ZNRF3: variants seen among roughly 807,000 people sequenced by gnomAD.
The protein encoded by ZNRF3 is E3 ubiquitin-protein ligase ZNRF3.
A neutral mutation model predicts 72.5 loss-of-function variants in ZNRF3; 23 were observed. That is an observed-to-expected ratio of 0.32 (90% CI 0.23 to 0.45). The LOEUF is 0.45. ZNRF3 is among the 20% of genes least tolerant of loss of function. ZNRF3 has a pLI of 1.00. For synonymous variants in ZNRF3, 610 were observed against 545.3 expected (o/e 1.12, Z -1.65); for missense variants, 1,169 against 1,272.1 (o/e 0.92, Z 1.23).
Position 29,050,162 on chromosome 22 carries a change from T to A in ZNRF3, c.1981T>A (p.Cys661Ser), listed in dbSNP as rs1218816677. 1 of 1,603,682 alleles carries A rather than the reference T, an allele frequency of 6.2e-7. No individual in the cohort carries two copies. The highest frequency in any genetic ancestry group is 1.1e-5 in the South Asian group (1 of 91,086). Residue 661 changes from cysteine to serine, a missense_variant, in exon 8 of 9, where the codon TGC (cysteine) becomes AGC (serine). This residue lies in a region of ZNRF3 where 783 missense variants were observed against 731.4 expected (regional missense o/e 1.07). Transcript: ENST00000544604. The part of the protein sequence containing the change: ...ASPSGDQVST[C>S]SLEMNYSSNS... ...TCCCTCGGGGGATCAGGTGTCCACC[T>A]GCAGCCTGGAGATGAACTACAGCAG...
chr22:28,910,072 G>A (rs922642297), intron 1 of ZNRF3, among the ~76,000 whole-genome samples: 1 of 149,474 alleles, frequency 6.7e-6, no homozygotes, highest in Non-Finnish European at 1.5e-5. Context: ...TTTTGCTCTT[G>A]TTGCCCAGGC....
At chr22:28,951,936 C>T (rs1639594339) in intron 1 of ZNRF3, among the ~76,000 whole-genome samples, 1 of 152,226 alleles carries the variant, frequency 6.6e-6, no homozygotes, top group Non-Finnish European at 1.5e-5. Flanking sequence ...ACCTCTTCCC[C>T]TGTGTTGATG....
Position 29,050,396 on chromosome 22 carries a change from C to G in ZNRF3, c.2215C>G (p.Leu739Val). 6.2e-7 allele frequency: 1 copy of G among 1,605,484 alleles called. No homozygotes were observed. The highest frequency in any genetic ancestry group is 1.1e-5 in the South Asian group (1 of 90,770). The change falls in exon 8 of 9, where the codon CTC becomes GTC. Residue 739 changes from leucine to valine, a missense_variant. Transcript: ENST00000544604. The part of the protein sequence containing the change: ...GSSTLFLGPH[L>V]YEGSGPAGGE... Reference sequence around the variant, plus strand: ...CAGCACCTTGTTCCTGGGGCCCCACCTCTACGAGGGCTCTGGCCCGGCGGG... The same window carrying G: ...CAGCACCTTGTTCCTGGGGCCCCACGTCTACGAGGGCTCTGGCCCGGCGGG...
intron 2 of ZNRF3, among the ~76,000 whole-genome samples, chr22:29,014,950 T>G (rs1313878513): frequency 6.6e-6 from 1 of 152,200 alleles, no homozygotes; most frequent in Non-Finnish European, 1.5e-5. Context: ...CATCAGAGCT[T>G]GCCTGCCTCC....
intron 1 of ZNRF3, among the ~76,000 whole-genome samples, chr22:28,968,682 C>G (rs1983169325): frequency 6.6e-6 from 1 of 152,166 alleles, no homozygotes; most frequent in South Asian, 2.1e-4. Context: ...GCACTCCAGC[C>G]TGGGCGATAA....
At chr22:29,013,373 CT>C (rs1232244491) in intron 2 of ZNRF3, among the ~76,000 whole-genome samples, 2 of 152,136 alleles carry the variant, frequency 1.3e-5, no homozygotes, top group Non-Finnish European at 2.9e-5. Flanking sequence ...TTCAGTGAAG[CT>C]TCTAGAAACC....
At chr22:28,884,123 C>G in intron 1 of ZNRF3, 57 bp downstream of exon 1, 1 of 1,060,018 alleles carries the variant, frequency 9.4e-7, no homozygotes, top group South Asian at 4.1e-5. Context: ...GCTCCGGGGG[C>G]TGCGCCCGCC....
intron 1 of ZNRF3, among the ~76,000 whole-genome samples, chr22:28,981,134 T>C (rs2035756194): frequency 6.6e-6 from 1 of 152,244 alleles, no homozygotes; most frequent in Non-Finnish European, 1.5e-5. Context: ...ACAGGTCTTA[T>C]ATGTAGTCAG....
At chr22:28,915,014 C>G (rs374853491) in intron 1 of ZNRF3, among the ~76,000 whole-genome samples, 14 of 152,270 alleles carry the variant, frequency 9.2e-5, no homozygotes, top group African/African-American at 3.4e-4. Context: ...GGGAGGCGTT[C>G]TCTTTTTGCA....
chr22:28,925,813 T>C (rs1283188465), intron 1 of ZNRF3, among the ~76,000 whole-genome samples: 1 of 152,152 alleles, frequency 6.6e-6, no homozygotes, highest in African/African-American at 2.4e-5. Context: ...GATGGGTTTT[T>C]GATATTTGAA....
In ZNRF3 at chr22:29,030,811, G is replaced by A. The variant is rs1451038982; in HGVS notation, c.427-11684G>A. On this transcript the variant is annotated intron_variant, in intron 2 of 8. Coordinates refer to ENST00000544604, the MANE Select transcript of ZNRF3 (RefSeq NM_001206998.2). This position sits in a 1 kb window ranked among gnomAD's most constrained non-coding sequence, Gnocchi z 4.2. ...AGTGGGGAGGAGGAGGGCTCCTGGCGCGGGGAGGAGCCGCGGGAGGGGGGA... is the reference window on the plus strand; with the variant it reads ...AGTGGGGAGGAGGAGGGCTCCTGGCACGGGGAGGAGCCGCGGGAGGGGGGA... Among the ~76,000 whole-genome samples the A allele has an allele frequency of 6.6e-6, 1 of 152,090 alleles. No homozygotes were observed. Among genetic ancestry groups the A allele is most frequent in the Non-Finnish European group, 1.5e-5 (1 of 68,002 alleles).
At chr22:29,031,362 C>T (rs2036751229) in intron 2 of ZNRF3, 1 of 153,084 alleles carries the variant, frequency 6.5e-6, no homozygotes, top group Non-Finnish European at 1.5e-5. Flanking sequence ...CCACCACCAC[C>T]CCCGTTCCTG....
rs370331566 is a variant in ZNRF3, at chr22:29,032,071, C to A, written c.427-10424C>A. ...GCACCAGGTGGGGAAAGCAGCCAAA[C>A]CTGCACTTTCCTGGGGTTGGGCCGC... On this transcript the variant is annotated intron_variant, in intron 2 of 8. Transcript: ENST00000544604. Among the ~76,000 whole-genome samples, 4 of 152,324 alleles carry A rather than the reference C, an allele frequency of 2.6e-5. No individual in the cohort carries two copies. The East Asian group carries it at 7.7e-4, about 29-fold the overall frequency.
In ZNRF3 at chr22:29,057,140, C is replaced by T. The variant is rs1030584737; in HGVS notation, c.*3518C>T. On this transcript the variant is annotated 3_prime_UTR_variant, in exon 9 of 9. Transcript: ENST00000544604. ...TTTGTAATAAAATGGTCTAAGGGCTCTTTTTCCAACATTACCATTTTTAAA... is the reference window on the plus strand; with the variant it reads ...TTTGTAATAAAATGGTCTAAGGGCTTTTTTTCCAACATTACCATTTTTAAA... 1.3e-5 allele frequency: 2 copies of T among 152,096 alleles called. No homozygotes were observed. The highest frequency in any genetic ancestry group is 6.6e-5 in the Admixed American group (1 of 15,262). 9.4% of individuals were successfully genotyped at this position (152,096 alleles called of 1,614,324 possible).
rs142186424 is a variant in ZNRF3, at chr22:28,993,771, C to T, written c.426+6570C>T. ...AATCATGGCTCACTTCAGCCTCAAACTCCCGGGCTCAAGTAATCCTCCCAC... is the reference window on the plus strand; with the variant it reads ...AATCATGGCTCACTTCAGCCTCAAATTCCCGGGCTCAAGTAATCCTCCCAC... On this transcript the variant is annotated intron_variant, in intron 2 of 8. Coordinates refer to ENST00000544604, the MANE Select transcript of ZNRF3 (RefSeq NM_001206998.2). Among the ~76,000 whole-genome samples the T allele has an allele frequency of 3.2e-3, 486 of 152,326 alleles. 3 individuals are homozygous for T. The highest frequency in any genetic ancestry group is 5.4e-3 in the Admixed American group (83 of 15,310).
At chr22:28,909,100 T>C (rs1053720644) in intron 1 of ZNRF3, among the ~76,000 whole-genome samples, 1 of 152,112 alleles carries the variant, frequency 6.6e-6, no homozygotes, top group Non-Finnish European at 1.5e-5. Context: ...GAGACAGGGT[T>C]TCAGCATGTT....
intron 2 of ZNRF3, among the ~76,000 whole-genome samples, chr22:29,000,855 C>T (rs553540013): frequency 1.3e-5 from 2 of 152,152 alleles, no homozygotes; most frequent in South Asian, 4.2e-4. Flanking sequence ...GTGATGCAAC[C>T]ATGGCTTACT....
intron 1 of ZNRF3, among the ~76,000 whole-genome samples, chr22:28,914,236 GGC>G (rs2034368859): frequency 6.6e-6 from 1 of 152,256 alleles, no homozygotes; most frequent in Admixed American, 6.5e-5. Flanking sequence ...CCTTGAGCTT[GGC>G]TATCTGGTTT....
At position 29,049,324 on chromosome 22, in the gene ZNRF3, C is replaced by T. The variant is rs2037135738; in HGVS notation, c.1143C>T (p.Tyr381=). ...RVHRTNAIPA[Y]PTRTSMDSHG... ...ACAGGACCAACGCCATCCCAGCCTACCCTACGAGGACAAGCATGGACTCCC... is the reference window on the plus strand; with the variant it reads ...ACAGGACCAACGCCATCCCAGCCTATCCTACGAGGACAAGCATGGACTCCC... Residue 381 remains tyrosine, a synonymous_variant, in exon 8 of 9, where the codon TAC becomes TAT. Transcript: ENST00000544604. This position sits in a 1 kb window ranked among gnomAD's most constrained non-coding sequence, Gnocchi z 5.2. 3.7e-6 allele frequency: 6 copies of T among 1,613,902 alleles called. No homozygotes were observed. The highest frequency in any genetic ancestry group is 5.1e-6 in the Non-Finnish European group (6 of 1,180,004).
Sources: gnomAD v4.1 joint callset for allele counts (sites outside exome capture counted in the v4.1 genomes callset) on GRCh38, gnomAD v4.1.1 for gene constraint, gnomAD v4.1.1 regional missense constraint, Gnocchi (gnomAD v3.1) non-coding constraint, MANE v1.5 for transcripts, NCBI Gene and HGNC (gene_info 2026-07-23, HGNC 2026-07-21) for gene names.